Variants in ST6GALNAC3 observed in about 807,000 individuals in gnomAD.
ST6GALNAC3 encodes alpha-N-acetylgalactosaminide alpha-2,6-sialyltransferase 3.
In ST6GALNAC3, 25 loss-of-function variants were observed where a neutral mutation model predicts 32.7. The observed-to-expected ratio is 0.76, with a 90% CI of 0.56 to 1.07. The LOEUF is 1.07. ST6GALNAC3 is among the 50% of genes least tolerant of loss of function. The pLI, the probability that ST6GALNAC3 is intolerant of heterozygous loss-of-function variation, is 0.00. For synonymous variants in ST6GALNAC3, 129 were observed against 133.1 expected (o/e 0.97, Z 0.21); for missense variants, 355 against 382.4 (o/e 0.93, Z 0.60).
intron 1 of ST6GALNAC3, among the ~76,000 whole-genome samples, chr1:76,124,910 A>C (rs1345202876): frequency 1.3e-5 from 2 of 150,912 alleles, no homozygotes; most frequent in African/African-American, 5.0e-5. Flanking sequence ...AGTAAGATAC[A>C]CACCAGATTA....
At chr1:76,600,599 TA>T (rs946214563) in intron 3 of ST6GALNAC3, among the ~76,000 whole-genome samples, 2 of 152,210 alleles carry the variant, frequency 1.3e-5, no homozygotes, top group African/African-American at 4.8e-5. Context: ...ATCCAGTGTA[TA>T]AATCTATTCC....
chr1:76,208,196 C>T (rs556570931), intron 1 of ST6GALNAC3, among the ~76,000 whole-genome samples: 5 of 152,200 alleles, frequency 3.3e-5, no homozygotes, highest in Non-Finnish European at 7.3e-5. Context: ...GTCTGCCTGG[C>T]ACCACCAGTG....
At chr1:76,211,477 A>G (rs1390933137) in intron 1 of ST6GALNAC3, among the ~76,000 whole-genome samples, 3 of 152,244 alleles carry the variant, frequency 2.0e-5, no homozygotes, top group Non-Finnish European at 2.9e-5. Flanking sequence ...CTATAAAGAC[A>G]CGTGCACATG....
chr1:76,550,655 A>T (rs1326763231), intron 3 of ST6GALNAC3, among the ~76,000 whole-genome samples: 1 of 152,210 alleles, frequency 6.6e-6, no homozygotes, highest in African/African-American at 2.4e-5. Context: ...AAAGAGTTCC[A>T]TAATCTCTTT....
chr1:76,517,486 C>A (rs9645421), intron 3 of ST6GALNAC3, among the ~76,000 whole-genome samples: 14,900 of 151,576 alleles, frequency 0.098, 931 homozygotes, highest in East Asian at 0.22. Context: ...CTTGCAGAGT[C>A]GCCTTTTGCT....
intron 3 of ST6GALNAC3, among the ~76,000 whole-genome samples, chr1:76,538,821 G>A (rs2100267610): frequency 6.6e-6 from 1 of 152,138 alleles, no homozygotes; most frequent in South Asian, 2.1e-4. Context: ...GTATGTGAAG[G>A]ACCTCATCAA....
chr1:76,398,737 C>A (rs1653178327), intron 2 of ST6GALNAC3, among the ~76,000 whole-genome samples: 1 of 152,006 alleles, frequency 6.6e-6, no homozygotes, highest in South Asian at 2.1e-4. Context: ...GGACATATAG[C>A]AGGAAGTAGA....
intron 1 of ST6GALNAC3, among the ~76,000 whole-genome samples, chr1:76,248,954 A>G (rs1240760381): frequency 6.6e-6 from 1 of 152,206 alleles, no homozygotes; most frequent in African/African-American, 2.4e-5. Context: ...TTTACCTTGT[A>G]TTAACATGGC....
At chr1:76,196,686 G>C (rs901314920) in intron 1 of ST6GALNAC3, among the ~76,000 whole-genome samples, 1 of 151,958 alleles carries the variant, frequency 6.6e-6, no homozygotes, top group East Asian at 1.9e-4. Context: ...GGCTGGTCTC[G>C]AACTCCTGAC....
At chr1:76,351,549 G>A (rs1420243549) in intron 2 of ST6GALNAC3, among the ~76,000 whole-genome samples, 1 of 151,382 alleles carries the variant, frequency 6.6e-6, no homozygotes, top group Non-Finnish European at 1.5e-5. Context: ...TTTTGTCTTT[G>A]TTAGAGTCTC....
chr1:76,336,287 A>G (rs988795635), intron 2 of ST6GALNAC3, among the ~76,000 whole-genome samples: 1 of 152,206 alleles, frequency 6.6e-6, no homozygotes, highest in Non-Finnish European at 1.5e-5. Flanking sequence ...TTGGCCCAAA[A>G]CATGTGTCTT....
rs111423971 is a variant in ST6GALNAC3, at chr1:76,283,048, GA to G, written c.19-30747del. Among the ~76,000 whole-genome samples, 1,205 of 148,498 alleles carry G rather than the reference GA, an allele frequency of 8.1e-3. 10 individuals are homozygous for G. The highest frequency in any genetic ancestry group is 0.011 in the Non-Finnish European group (760 of 66,938). ...CGACAGAGCTAGACTGCCTCAAAAAGAAAAAAAAAAGTGGTACTTTCCTCCA... is the reference window on the plus strand; with the variant it reads ...CGACAGAGCTAGACTGCCTCAAAAAGAAAAAAAAAGTGGTACTTTCCTCCA... On this transcript the variant is annotated intron_variant, in intron 1 of 4. Coordinates refer to ENST00000328299, the MANE Select transcript of ST6GALNAC3 (RefSeq NM_152996.4).
chr1:76,445,472 G>A (rs74089952), intron 3 of ST6GALNAC3, among the ~76,000 whole-genome samples: 4,450 of 152,176 alleles, frequency 0.029, 233 homozygotes, highest in African/African-American at 0.1. Flanking sequence ...ACTATTATGT[G>A]TATGTGTTGA....
intron 3 of ST6GALNAC3, among the ~76,000 whole-genome samples, chr1:76,460,952 G>A (rs926880602): frequency 6.6e-5 from 10 of 152,230 alleles, no homozygotes; most frequent in African/African-American, 2.4e-4. Flanking sequence ...AATGGTGGCA[G>A]ATTTTACAAT....
chr1:76,198,120 C>T (rs1475742692), intron 1 of ST6GALNAC3, among the ~76,000 whole-genome samples: 2 of 152,168 alleles, frequency 1.3e-5, no homozygotes, highest in African/African-American at 4.8e-5. Context: ...TCACTGCAGC[C>T]TTGACTTCCC....
intron 1 of ST6GALNAC3, among the ~76,000 whole-genome samples, chr1:76,083,459 T>C (rs1035323860): frequency 3.3e-5 from 5 of 152,230 alleles, no homozygotes; most frequent in African/African-American, 1.2e-4. Context: ...CGAGAACTGC[T>C]CTCTAGGGTG....
chr1:76,268,816 C>T (rs547464574), intron 1 of ST6GALNAC3, among the ~76,000 whole-genome samples: 53 of 152,274 alleles, frequency 3.5e-4, no homozygotes, highest in African/African-American at 1.1e-3. Context: ...TGCCTAACCA[C>T]GATGTACCCA....
chr1:76,600,289 T>G (rs1170561099), intron 3 of ST6GALNAC3, among the ~76,000 whole-genome samples: 1 of 152,152 alleles, frequency 6.6e-6, no homozygotes, highest in Non-Finnish European at 1.5e-5. Flanking sequence ...CCTCCAGAAC[T>G]GTGGAAAATG....
At chr1:76,314,098 C>A in intron 2 of ST6GALNAC3, 99 bp downstream of exon 2, 1 of 1,199,864 alleles carries the variant, frequency 8.3e-7, no homozygotes. Context: ...CTTACTCTGT[C>A]TGCCCCGGAG....
Sources: allele counts gnomAD v4.1 joint callset (sites outside exome capture counted in the v4.1 genomes callset), GRCh38; gene constraint gnomAD v4.1.1; transcripts MANE v1.5; gene names NCBI Gene and HGNC (gene_info 2026-07-23, HGNC 2026-07-21).